NSD1: variants seen among roughly 807,000 people sequenced by gnomAD.
NSD1 encodes nuclear receptor binding SET domain protein 1.
Under a neutral mutation model 242.7 loss-of-function variants are expected in NSD1, and 26 were observed. The ratio of observed to expected loss-of-function variants is 0.11; its 90% CI spans 0.08 to 0.15. NSD1 has a LOEUF of 0.15. Ranked by LOEUF, NSD1 falls within the 10% of genes least tolerant of loss-of-function variation. The probability of loss-of-function intolerance (pLI) is 1.00; values close to 1 mark genes in which losing one functional copy is unlikely to be tolerated. For synonymous variants in NSD1, 1,106 were observed against 1,178.1 expected, an observed-to-expected ratio of 0.94 and a Z score of 1.25; for missense variants, 2,495 against 3,272.8, an observed-to-expected ratio of 0.76 and a Z score of 5.80.
intron 5 of NSD1, among the ~76,000 whole-genome samples, chr5:177,214,889 G>T (rs1158402528): frequency 1.3e-5 from 2 of 152,038 alleles, no homozygotes; most frequent in Non-Finnish European, 2.9e-5. Flanking sequence ...TTTTAGTAGA[G>T]ACAGGGTGTC....
chr5:177,265,352 ATTTT>A, intron 14 of NSD1: 1 of 597,640 alleles, frequency 1.7e-6, no homozygotes, highest in South Asian at 2.0e-5. Context: ...TATAGTAAGA[ATTTT>A]TTTTGTTTCC....
In NSD1 at chr5:177,135,239, T is replaced by C. The variant is rs1581089514; in HGVS notation, c.136T>C (p.Cys46Arg). Residue 46 changes from cysteine (C) to arginine (R), a missense_variant, in exon 2 of 23, where the codon TGT becomes CGT. Cys to Arg is a radical substitution (Grantham distance 180). This residue lies in a region of NSD1 where 376 missense variants were observed against 367.4 expected (regional missense o/e 1.02). Transcript: ENST00000439151. ...CAATTTTTCTGAGCCACTTAATGGG[T>C]GTACTATGCAGTTATCGACTGTCAG... Reference protein sequence around the residue: ...QSNFSEPLNGCTMQLSTVSGT... With the variant: ...QSNFSEPLNGRTMQLSTVSGT... 6.2e-7 allele frequency: 1 copy of C among 1,613,716 alleles called. No individual in the cohort carries two copies. Among genetic ancestry groups the C allele is most frequent in the Non-Finnish European group, 8.5e-7 (1 of 1,179,620 alleles).
chr5:177,248,225 T>C lies in NSD1; in HGVS notation c.4542T>C (p.Thr1514=). The part of the protein sequence containing the change: ...PHRTATSPKE[T]VEEGVEHDPG... ...GGACGGCCACAAGCCCCAAGGAGAC[T>C]GTTGAGGAAGGTGTAGAACACGATC... The change falls in exon 11 of 23, where the codon ACT becomes ACC. Residue 1514 remains threonine (T), a synonymous_variant. Coordinates refer to ENST00000439151, the MANE Select transcript of NSD1 (RefSeq NM_022455.5). 1 of 1,614,096 alleles carries C rather than the reference T, an allele frequency of 6.2e-7. No individual in the cohort carries two copies. Among genetic ancestry groups the C allele is most frequent in the Admixed American group, 1.7e-5 (1 of 60,000 alleles).
In NSD1 at chr5:177,135,539, A is replaced by G. The variant is rs745885259; in HGVS notation, c.436A>G (p.Ile146Val). The part of the protein sequence containing the change: ...PELQVKVTKT[I>V]KNGFLHFENF... ...ACTCCAGGTAAAAGTAACAAAGACTATCAAGAATGGCTTTCTGCACTTTGA... is the reference window on the plus strand; with the variant it reads ...ACTCCAGGTAAAAGTAACAAAGACTGTCAAGAATGGCTTTCTGCACTTTGA... The change falls in exon 2 of 23, where the codon ATC (isoleucine) becomes GTC (valine). Residue 146 changes from isoleucine to valine, a missense_variant. Around this residue, in one of 19 missense-constraint regions of NSD1, gnomAD observed 376 missense variants for 367.4 expected, o/e 1.02. Coordinates refer to ENST00000439151, the MANE Select transcript of NSD1 (RefSeq NM_022455.5). 1.7e-5 allele frequency: 28 copies of G among 1,614,110 alleles called. No homozygotes were observed. In the African/African-American group the frequency reaches 1.9e-4, roughly 11 times the overall value.
intron 2 of NSD1, among the ~76,000 whole-genome samples, chr5:177,177,196 C>T (rs1335401891): frequency 6.6e-6 from 1 of 152,068 alleles, no homozygotes; most frequent in African/African-American, 2.4e-5. Flanking sequence ...ATGGATCCTT[C>T]AGTAAAGTGA....
chr5:177,246,598 T>G, intron 9 of NSD1, 80 bp from the exon 10 acceptor site: 1 of 984,196 alleles, frequency 1.0e-6, no homozygotes, highest in Non-Finnish European at 1.6e-6. Flanking sequence ...TTAAGGTTGG[T>G]TTTTATTCTA....
At chr5:177,133,347 G>C (rs1200236104), upstream of NSD1, among the ~76,000 whole-genome samples, 2 of 152,172 alleles carry the variant, frequency 1.3e-5, no homozygotes, top group Non-Finnish European at 2.9e-5. The surrounding 1 kb of genome is among the most constrained non-coding windows in gnomAD (Gnocchi z 6.2). Flanking sequence ...GTTGGGGTTC[G>C]AGACGCGTAG....
intron 3 of NSD1, among the ~76,000 whole-genome samples, chr5:177,200,483 T>G (rs1295828588): frequency 6.6e-6 from 1 of 152,190 alleles, no homozygotes; most frequent in Non-Finnish European, 1.5e-5. Flanking sequence ...TTAAGTATAT[T>G]AACATTGTTG....
At chr5:177,136,853 T>C (rs951137764) in intron 2 of NSD1, 1 of 668,584 alleles carries the variant, frequency 1.5e-6, no homozygotes, top group African/African-American at 1.8e-5. Context: ...GACAAAGTTT[T>C]ATATTTATTT....
chr5:177,225,008 G>A (rs1376419803), intron 5 of NSD1, among the ~76,000 whole-genome samples: 3 of 151,868 alleles, frequency 2.0e-5, no homozygotes, highest in Non-Finnish European at 2.9e-5. Flanking sequence ...AATCCTACTT[G>A]GTCATGTTGT....
chr5:177,159,625 C>T (rs1223259546), intron 2 of NSD1, among the ~76,000 whole-genome samples: 75 of 131,924 alleles, frequency 5.7e-4, no homozygotes, highest in Admixed American at 3.3e-3. Flanking sequence ...GACGGAGTTT[C>T]GCTCTTGTTG....
chr5:177,235,491 T>G (rs527934308), intron 5 of NSD1, among the ~76,000 whole-genome samples: 1 of 152,182 alleles, frequency 6.6e-6, no homozygotes, highest in Admixed American at 6.5e-5. Context: ...GATGCTACAT[T>G]TTTGTTAGGT....
At chr5:177,164,729 A>G (rs1759041576) in intron 2 of NSD1, among the ~76,000 whole-genome samples, 1 of 151,954 alleles carries the variant, frequency 6.6e-6, no homozygotes, top group Non-Finnish European at 1.5e-5. Flanking sequence ...AGATCACCTG[A>G]GGTCAGAAGT....
chr5:177,293,302 G>A (rs926533557), intron 22 of NSD1, among the ~76,000 whole-genome samples: 3 of 152,080 alleles, frequency 2.0e-5, no homozygotes, highest in Admixed American at 6.6e-5. Flanking sequence ...AACATATAAC[G>A]TGCTGTGCTG....
chr5:177,133,610 C>G (rs1479484390), upstream of NSD1: 1 of 150,138 alleles, frequency 6.7e-6, no homozygotes, highest in African/African-American at 2.4e-5. The surrounding 1 kb of genome is among the most constrained non-coding windows in gnomAD (Gnocchi z 6.2). Flanking sequence ...ACAAGCCCGA[C>G]TTCACCCGCC....
intron 2 of NSD1, among the ~76,000 whole-genome samples, chr5:177,187,411 T>A (rs2149815869): frequency 6.6e-6 from 1 of 152,312 alleles, no homozygotes; most frequent in Non-Finnish European, 1.5e-5. Flanking sequence ...AGCCTGTGAC[T>A]TAACCTTTTT....
At chr5:177,144,650 G>A (rs1158687323) in intron 2 of NSD1, among the ~76,000 whole-genome samples, 1 of 152,100 alleles carries the variant, frequency 6.6e-6, no homozygotes. Flanking sequence ...GTTTTCAGGG[G>A]AGCCCATTGA....
chr5:177,237,508 T>TAA (rs1765543657), intron 6 of NSD1, among the ~76,000 whole-genome samples: 2 of 148,630 alleles, frequency 1.3e-5, no homozygotes, highest in African/African-American at 2.4e-5. Context: ...TATATATATA[T>TAA]AATGTAAATT....
intron 2 of NSD1, among the ~76,000 whole-genome samples, chr5:177,180,874 G>C (rs1367884800): frequency 6.7e-6 from 1 of 150,186 alleles, no homozygotes; most frequent in Admixed American, 6.7e-5. Flanking sequence ...GTACAGACAG[G>C]GTTTTGCCTT....
Sources: allele counts gnomAD v4.1 joint callset (sites outside exome capture counted in the v4.1 genomes callset), GRCh38; gene constraint gnomAD v4.1.1; regional missense constraint gnomAD v4.1.1; non-coding constraint Gnocchi (gnomAD v3.1); transcripts MANE v1.5; gene names NCBI Gene and HGNC (gene_info 2026-07-23, HGNC 2026-07-21).